The following TTC23 variants were observed in gnomAD, a reference collection of about 807,000 sequenced individuals.
TTC23 encodes the protein tetratricopeptide repeat protein 23.
Under a neutral mutation model 55.1 loss-of-function variants are expected in TTC23, and 58 were observed. That is an observed-to-expected ratio of 1.05 (90% CI 0.85 to 1.31). The LOEUF (loss-of-function observed/expected upper bound fraction) is 1.31, where lower values mean the gene tolerates loss of function less well. Among genes scored for constraint, TTC23 ranks in the 50% most tolerant of loss-of-function variants. TTC23 has a pLI of 0.00. For synonymous variants in TTC23, 203 were observed against 199.9 expected, an observed-to-expected ratio of 1.02 and a Z score of -0.13; for missense variants, 516 against 534.4, an observed-to-expected ratio of 0.97 and a Z score of 0.34.
At chr15:99,190,954 G>A (rs974347513) in intron 9 of TTC23, among the ~76,000 whole-genome samples, 2 of 151,914 alleles carry the variant, frequency 1.3e-5, no homozygotes, top group African/African-American at 4.8e-5. Context: ...GCTAATTTTT[G>A]TATTTTTTTT....
chr15:99,156,028 T>C, intron 12 of TTC23, 120 bp downstream of exon 12: 2 of 1,369,598 alleles, frequency 1.5e-6, no homozygotes, highest in Non-Finnish European at 2.0e-6. Context: ...AGTGATGTCA[T>C]CCTATCTAAA....
chr15:99,197,330 C>T (rs972465749), intron 9 of TTC23, among the ~76,000 whole-genome samples: 27 of 152,182 alleles, frequency 1.8e-4, no homozygotes, highest in African/African-American at 6.3e-4. Flanking sequence ...TCTTGATCTC[C>T]TGACCTTGTG....
chr15:99,230,124 G>A (rs2078814636), intron 4 of TTC23, among the ~76,000 whole-genome samples: 4 of 152,068 alleles, frequency 2.6e-5, no homozygotes, highest in Admixed American at 1.3e-4. Context: ...TGTTAAATTA[G>A]CAGATAAAAA....
At chr15:99,173,612 A>T (rs1475040321) in intron 10 of TTC23, among the ~76,000 whole-genome samples, 1 of 152,156 alleles carries the variant, frequency 6.6e-6, no homozygotes, top group South Asian at 2.1e-4. Context: ...AATTAAAAAA[A>T]AATTGAAGAT....
intron 9 of TTC23, among the ~76,000 whole-genome samples, chr15:99,192,876 C>T (rs554457388): frequency 6.6e-6 from 1 of 152,334 alleles, no homozygotes; most frequent in Admixed American, 6.5e-5. Flanking sequence ...CCCTGCAAAG[C>T]CACAGGGGCG....
rs1391843459 is a variant in TTC23 at position 99,137,704 on chromosome 15, C to T, written c.*306G>A. ...GCCGGGCTGACTCCTGCACAGGGCGCACTGAACTGTTGAAGAGAAGTTTTT... is the reference window on the plus strand; with the variant it reads ...GCCGGGCTGACTCCTGCACAGGGCGTACTGAACTGTTGAAGAGAAGTTTTT... On this transcript the variant is annotated 3_prime_UTR_variant, in exon 14 of 14. Coordinates refer to ENST00000394132, the MANE Select transcript of TTC23 (RefSeq NM_001288615.3). The T allele has an allele frequency of 2.8e-6, 1 of 355,380 alleles. No homozygotes were observed. Among genetic ancestry groups the T allele is most frequent in the Non-Finnish European group, 5.3e-6 (1 of 188,852 alleles). The allele number at this position is 355,380 out of a possible 1,614,324, so 22.0% of individuals were successfully genotyped here. A position where few individuals can be genotyped will look rare whatever the true frequency, so the allele number is the denominator to read the frequency against.
chr15:99,137,826 C>A lies in TTC23; in HGVS notation c.*184G>T. The stretch of plus-strand genomic sequence containing the variant: ...TTATAGCATATATCACCCTGAAGGG[C>A]ATCCACTGTCAAAATGTGGCCCACG... On this transcript the variant is annotated 3_prime_UTR_variant, in exon 14 of 14. Coordinates refer to ENST00000394132, the MANE Select transcript of TTC23 (RefSeq NM_001288615.3). 1.1e-6 allele frequency: 1 copy of A among 896,264 alleles called. No individual in the cohort carries two copies. The highest frequency in any genetic ancestry group is 1.7e-6 in the Non-Finnish European group (1 of 605,126). 55.5% of individuals were successfully genotyped at this position (896,264 alleles called of 1,614,324 possible). A position where few individuals can be genotyped will look rare whatever the true frequency, so the allele number is the denominator to read the frequency against.
In TTC23 at chr15:99,171,559, C is replaced by CTTTTT. The variant is rs35676358; in HGVS notation, c.865+3486_865+3490dup. ...CTTGCTTGCTCCTGAGTCTCTCCGT[C>CTTTTT]TTTTTTTTTTTTTTTTTTTTTTGAG... On this transcript the variant is annotated intron_variant, in intron 10 of 13. Transcript: ENST00000394132. Among the ~76,000 whole-genome samples, 29 of 92,302 alleles carry CTTTTT rather than the reference C, an allele frequency of 3.1e-4. 1 individual carries two copies. Among genetic ancestry groups the CTTTTT allele is most frequent in the Admixed American group, 5.5e-4 (4 of 7,310 alleles). 60.6% of individuals were successfully genotyped at this position (92,302 alleles called of 152,430 possible).
At chr15:99,151,936 T>C (rs1453333105) in intron 12 of TTC23, among the ~76,000 whole-genome samples, 2 of 152,172 alleles carry the variant, frequency 1.3e-5, no homozygotes, top group African/African-American at 4.8e-5. Flanking sequence ...TCAGCCTCAG[T>C]TTCCCTCTTT....
chr15:99,188,703 A>G (rs1193930171), intron 9 of TTC23, among the ~76,000 whole-genome samples: 1 of 152,114 alleles, frequency 6.6e-6, no homozygotes, highest in Admixed American at 6.5e-5. Context: ...TAAACATATG[A>G]AAAGATGTTC....
Position 99,137,444 on chromosome 15 carries a change from C to T in TTC23, c.*566G>A, listed in dbSNP as rs2067680464. The T allele has an allele frequency of 6.6e-6, 1 of 152,438 alleles. No homozygotes were observed. The highest frequency in any genetic ancestry group is 1.5e-5 in the Non-Finnish European group (1 of 68,188). The allele number at this position is 152,438 out of a possible 1,614,324, so 9.4% of individuals were successfully genotyped here. A position where few individuals can be genotyped will look rare whatever the true frequency, so the allele number is the denominator to read the frequency against. The stretch of plus-strand genomic sequence containing the variant: ...AGGCCAAGTCAGGTGTGTCGGCCTC[C>T]TGCCCCTCCTACTGGGCTCTTTCTC... On this transcript the variant is annotated 3_prime_UTR_variant, in exon 14 of 14. Coordinates refer to ENST00000394132, the MANE Select transcript of TTC23 (RefSeq NM_001288615.3).
intron 12 of TTC23, chr15:99,151,457 AG>A (rs2069729783): frequency 6.6e-6 from 1 of 152,324 alleles, no homozygotes; most frequent in African/African-American, 2.4e-5. Context: ...CTTCACCTTG[AG>A]GGAAGACATT....
At chr15:99,239,276 G>C (rs2079568434) in intron 3 of TTC23, among the ~76,000 whole-genome samples, 2 of 152,148 alleles carry the variant, frequency 1.3e-5, no homozygotes, top group African/African-American at 4.8e-5. Flanking sequence ...CACAAGGTCA[G>C]GAGTTCAAGA....
intron 10 of TTC23, among the ~76,000 whole-genome samples, chr15:99,162,528 T>C (rs1426524115): frequency 6.6e-6 from 1 of 152,106 alleles, no homozygotes; most frequent in Admixed American, 6.5e-5. Flanking sequence ...GTAAGCATAT[T>C]AGAAAAAAGG....
At chr15:99,222,385 T>C (rs1254579468) in intron 5 of TTC23, among the ~76,000 whole-genome samples, 1 of 152,098 alleles carries the variant, frequency 6.6e-6, no homozygotes, top group Non-Finnish European at 1.5e-5. Context: ...CGAGCAATCC[T>C]CCCACCTCAG....
intron 8 of TTC23, among the ~76,000 whole-genome samples, chr15:99,207,611 G>T (rs926258997): frequency 1.9e-4 from 29 of 152,196 alleles, no homozygotes; most frequent in African/African-American, 6.5e-4. Flanking sequence ...ACAAAAATTA[G>T]CTGGGCCTGG....
At chr15:99,140,368 A>C (rs1453169494) in intron 12 of TTC23, 16 of 150,824 alleles carry the variant, frequency 1.1e-4, no homozygotes, top group Admixed American at 1.0e-3. Context: ...ATACTGGAAA[A>C]TATATATATA....
chr15:99,188,069 T>C (rs923446435), intron 9 of TTC23, among the ~76,000 whole-genome samples: 5 of 152,056 alleles, frequency 3.3e-5, no homozygotes, highest in African/African-American at 7.2e-5. Flanking sequence ...TTATTCATAA[T>C]AGCCCAAAAC....
intron 3 of TTC23, among the ~76,000 whole-genome samples, chr15:99,241,056 C>A (rs1386619939): frequency 6.6e-6 from 1 of 152,166 alleles, no homozygotes; most frequent in Non-Finnish European, 1.5e-5. Flanking sequence ...GGGGCTCATG[C>A]CTGTAATCCC....
Sources: gnomAD v4.1 joint callset for allele counts (sites outside exome capture counted in the v4.1 genomes callset) on GRCh38, gnomAD v4.1.1 for gene constraint, MANE v1.5 for transcripts, NCBI Gene and HGNC (gene_info 2026-07-23, HGNC 2026-07-21) for gene names.